The following LINGO2 variants were observed in gnomAD, a reference collection of about 807,000 sequenced individuals.
The protein encoded by LINGO2 is leucine rich repeat and Ig domain containing 2.
In LINGO2, 14 loss-of-function variants were observed where a neutral mutation model predicts 30.6. The ratio of observed to expected loss-of-function variants is 0.46; its 90% confidence interval spans 0.30 to 0.72. The LOEUF (loss-of-function observed/expected upper bound fraction) is 0.72. Ranked by LOEUF, LINGO2 falls within the 30% of genes least tolerant of loss-of-function variation. The probability of loss-of-function intolerance (pLI) is 0.07; values close to 1 mark genes in which losing one functional copy is unlikely to be tolerated. For missense variants in LINGO2, 729 were observed against 751.7 expected (o/e 0.97, Z 0.35); for synonymous variants, 317 against 288.5 (o/e 1.10, Z -1.00).
At chr9:28,710,051 T>G in the LINGO2 span, among the ~76,000 whole-genome samples, 5 of 151,078 alleles carry the variant, frequency 3.3e-5, no homozygotes, top group African/African-American at 1.2e-4. Context: ...GATGCCATGG[T>G]TTGAATGTTT....
chr9:28,826,332 C>A, the LINGO2 span, among the ~76,000 whole-genome samples: 1 of 152,070 alleles, frequency 6.6e-6, no homozygotes, highest in Non-Finnish European at 1.5e-5. Context: ...GTTATTATAT[C>A]TCTTACTCTA....
At chr9:28,353,711 T>A (rs1820023275) in intron 3 of LINGO2, among the ~76,000 whole-genome samples, 1 of 152,138 alleles carries the variant, frequency 6.6e-6, no homozygotes, top group Admixed American at 6.5e-5. Flanking sequence ...CACGTATGTT[T>A]ATTGCGGCAC....
chr9:29,110,366 TCC>T, the LINGO2 span, among the ~76,000 whole-genome samples: 1 of 152,198 alleles, frequency 6.6e-6, no homozygotes, highest in Non-Finnish European at 1.5e-5. Context: ...GGAGTCTTGC[TCC>T]GTCGCCCAGG....
intron 1 of LINGO2, among the ~76,000 whole-genome samples, chr9:28,633,224 CGATACCCATACA>C (rs1418312691): frequency 6.6e-6 from 1 of 151,974 alleles, no homozygotes; most frequent in Non-Finnish European, 1.5e-5. Flanking sequence ...TCACTTTTGG[CGATACCCATACA>C]GACACACTCA....
At chr9:29,179,144 T>A in the LINGO2 span, among the ~76,000 whole-genome samples, 1 of 138,672 alleles carries the variant, frequency 7.2e-6, no homozygotes, top group Non-Finnish European at 1.5e-5. Flanking sequence ...GATAAAATGT[T>A]CCTTCTTACT....
chr9:28,969,524 T>C, the LINGO2 span, among the ~76,000 whole-genome samples: 38 of 152,190 alleles, frequency 2.5e-4, 1 homozygote, highest in African/African-American at 9.2e-4. Context: ...GGTTTGAAAT[T>C]TAAAAGACGA....
chr9:28,916,123 C>A, the LINGO2 span, among the ~76,000 whole-genome samples: 1 of 151,998 alleles, frequency 6.6e-6, no homozygotes, highest in Non-Finnish European at 1.5e-5. Flanking sequence ...GCATGATTGA[C>A]CAGCACTAAC....
chr9:28,226,331 A>G (rs2133915651), intron 4 of LINGO2, among the ~76,000 whole-genome samples: 1 of 152,222 alleles, frequency 6.6e-6, no homozygotes, highest in Admixed American at 6.5e-5. Context: ...TACCTCTGTG[A>G]GGATTTCCCT....
At chr9:28,173,480 C>A (rs1828659263) in intron 4 of LINGO2, among the ~76,000 whole-genome samples, 1 of 152,028 alleles carries the variant, frequency 6.6e-6, no homozygotes, top group South Asian at 2.1e-4. Flanking sequence ...GGGATAGGAC[C>A]AATTTTTTGA....
chr9:28,421,369 T>C (rs1343704577), intron 2 of LINGO2, among the ~76,000 whole-genome samples: 2 of 150,682 alleles, frequency 1.3e-5, no homozygotes, highest in Admixed American at 6.7e-5. Context: ...CAAAGCAATC[T>C]CCAGATTTAA....
At chr9:28,491,984 A>G (rs1434023156) in intron 1 of LINGO2, among the ~76,000 whole-genome samples, 1 of 152,220 alleles carries the variant, frequency 6.6e-6, no homozygotes, top group Admixed American at 6.6e-5. Context: ...CAAATGTATC[A>G]AATTATTATA....
intron 1 of LINGO2, among the ~76,000 whole-genome samples, chr9:28,541,600 TAAAC>T (rs1236212861): frequency 1.3e-5 from 2 of 152,094 alleles, no homozygotes; most frequent in Admixed American, 6.6e-5. Context: ...CCACTAATTG[TAAAC>T]AAACAAACAA....
the LINGO2 span, among the ~76,000 whole-genome samples, chr9:29,124,404 T>A: frequency 6.6e-6 from 1 of 152,126 alleles, no homozygotes; most frequent in East Asian, 1.9e-4. Flanking sequence ...AAGCCAAAAC[T>A]GTCAGATTGG....
At chr9:28,025,061 C>T (rs1007884692) in intron 4 of LINGO2, among the ~76,000 whole-genome samples, 6 of 152,160 alleles carry the variant, frequency 3.9e-5, no homozygotes, top group Admixed American at 1.3e-4. Flanking sequence ...CACTCAATTA[C>T]TTTCATGCTT....
the LINGO2 span, among the ~76,000 whole-genome samples, chr9:28,930,187 G>A: frequency 2.6e-5 from 4 of 151,746 alleles, no homozygotes; most frequent in African/African-American, 4.8e-5. This position sits in a 1 kb window ranked among gnomAD's most constrained non-coding sequence, Gnocchi z 4.2. Flanking sequence ...AGTGCACAAG[G>A]GGTACTTCTC....
the LINGO2 span, among the ~76,000 whole-genome samples, chr9:28,870,613 A>T: frequency 3.3e-5 from 5 of 152,254 alleles, no homozygotes; most frequent in Non-Finnish European, 5.9e-5. Context: ...ACTGTGCCTT[A>T]GTCATCTGGA....
intron 1 of LINGO2, among the ~76,000 whole-genome samples, chr9:28,485,784 A>C (rs1287496867): frequency 6.6e-6 from 1 of 152,064 alleles, no homozygotes; most frequent in African/African-American, 2.4e-5. Context: ...ACAAGGTTTG[A>C]CACTCCCATG....
the LINGO2 span, among the ~76,000 whole-genome samples, chr9:29,059,589 T>C: frequency 2.6e-5 from 4 of 151,740 alleles, no homozygotes; most frequent in South Asian, 4.1e-4. Flanking sequence ...ATATCATCAA[T>C]TGATTTTCAA....
intron 4 of LINGO2, among the ~76,000 whole-genome samples, chr9:28,022,484 A>T (rs145285846): frequency 4.9e-4 from 75 of 152,176 alleles, no homozygotes; most frequent in African/African-American, 1.7e-3. Flanking sequence ...ACATCTGCAG[A>T]GTGGTCTTCT....
Sources: gnomAD v4.1 joint callset for allele counts (sites outside exome capture counted in the v4.1 genomes callset) on GRCh38, gnomAD v4.1.1 for gene constraint, Gnocchi (gnomAD v3.1) non-coding constraint, MANE v1.5 for transcripts, NCBI Gene and HGNC (gene_info 2026-07-23, HGNC 2026-07-21) for gene names.